Variants in BMPER observed in about 807,000 individuals in gnomAD.
The protein encoded by BMPER is BMP-binding endothelial regulator protein.
BMPER carries 45 observed loss-of-function variants against 87.3 expected under a neutral mutation model. That is an observed-to-expected ratio of 0.52 (90% confidence interval 0.41 to 0.66). BMPER has a LOEUF of 0.66. BMPER is among the 30% of genes least tolerant of loss of function. The probability of loss-of-function intolerance (pLI) is 0.00; values close to 1 mark genes in which losing one functional copy is unlikely to be tolerated. For missense variants in BMPER, 784 were observed against 867.5 expected (o/e 0.90, Z 1.21); for synonymous variants, 326 against 316.2 (o/e 1.03, Z -0.33).
intron 13 of BMPER, among the ~76,000 whole-genome samples, chr7:34,107,733 G>A (rs1789859076): frequency 6.6e-6 from 1 of 152,082 alleles, no homozygotes; most frequent in Non-Finnish European, 1.5e-5. Context: ...TTCCTTATCT[G>A]GTAGAGGCTG....
intron 6 of BMPER, among the ~76,000 whole-genome samples, chr7:34,019,931 G>A (rs1300098833): frequency 6.7e-6 from 1 of 150,340 alleles, no homozygotes; most frequent in Admixed American, 6.7e-5. Flanking sequence ...AAGCTGTTCT[G>A]TAAGGTTTTT....
At chr7:34,120,373 G>C (rs1373854418) in intron 13 of BMPER, among the ~76,000 whole-genome samples, 1 of 150,216 alleles carries the variant, frequency 6.7e-6, no homozygotes, top group Non-Finnish European at 1.5e-5. Flanking sequence ...AAAATACAAT[G>C]ATGATTATTT....
rs902308951 is a variant in BMPER, at chr7:34,046,512, C to T, written c.676+107C>T. On this transcript the variant is annotated intron_variant, in intron 7 of 14. Transcript: ENST00000649409. ...TTGAGATTCTCAAGTTGTCCTATTT[C>T]GTGGCTTGTTAGAGACAACTCCCTC... 88 of 1,220,058 alleles carry T rather than the reference C, an allele frequency of 7.2e-5. 1 individual carries two copies. The Middle Eastern group carries it at 7.5e-4, about 10-fold the overall frequency. The allele number at this position is 1,220,058 out of a possible 1,614,324, so 75.6% of individuals were successfully genotyped here. A position where few individuals can be genotyped will look rare whatever the true frequency, so the allele number is the denominator to read the frequency against.
At chr7:33,961,646 A>G (rs1352885342) in intron 3 of BMPER, among the ~76,000 whole-genome samples, 1 of 152,230 alleles carries the variant, frequency 6.6e-6, no homozygotes, top group South Asian at 2.1e-4. Context: ...AAGCCCGGTC[A>G]GCCCTCCACA....
At chr7:34,039,690 G>T (rs1299127298) in intron 6 of BMPER, among the ~76,000 whole-genome samples, 1 of 151,902 alleles carries the variant, frequency 6.6e-6, no homozygotes, top group African/African-American at 2.4e-5. Flanking sequence ...CTACTATAGT[G>T]TGTGTATATG....
intron 3 of BMPER, among the ~76,000 whole-genome samples, chr7:33,959,797 T>A (rs1785226888): frequency 2.0e-5 from 3 of 152,236 alleles, no homozygotes; most frequent in Admixed American, 2.0e-4. Context: ...ATACTGTATC[T>A]ATTATGATAC....
At chr7:34,059,975 T>A (rs1585788423) in intron 10 of BMPER, among the ~76,000 whole-genome samples, 2 of 152,146 alleles carry the variant, frequency 1.3e-5, no homozygotes, top group Admixed American at 1.3e-4. Context: ...GACTGGGTCA[T>A]CAGGACACTG....
At chr7:34,032,081 T>TTA (rs540669169) in intron 6 of BMPER, among the ~76,000 whole-genome samples, 40 of 150,944 alleles carry the variant, frequency 2.6e-4, no homozygotes, top group African/African-American at 9.5e-4. Flanking sequence ...ATTAAAAGCT[T>TTA]TACCTCAGTT....
At chr7:34,122,206 T>C (rs1209545741) in intron 13 of BMPER, among the ~76,000 whole-genome samples, 1 of 152,124 alleles carries the variant, frequency 6.6e-6, no homozygotes, top group Non-Finnish European at 1.5e-5. Context: ...ATATCTGGGC[T>C]CCAGGACCCA....
intron 2 of BMPER, among the ~76,000 whole-genome samples, chr7:33,912,916 C>A (rs994507384): frequency 2.0e-5 from 3 of 152,184 alleles, no homozygotes; most frequent in Non-Finnish European, 4.4e-5. Flanking sequence ...ACACTTCATC[C>A]CCTCTTCCAT....
intron 2 of BMPER, among the ~76,000 whole-genome samples, chr7:33,920,742 A>G (rs1784210090): frequency 6.6e-6 from 1 of 151,924 alleles, no homozygotes; most frequent in African/African-American, 2.4e-5. Flanking sequence ...TCCATTTTTA[A>G]TAAACCCTTC....
At chr7:34,006,938 C>T (rs1475800515) in intron 6 of BMPER, among the ~76,000 whole-genome samples, 1 of 152,080 alleles carries the variant, frequency 6.6e-6, no homozygotes, top group Non-Finnish European at 1.5e-5. Flanking sequence ...CTAAATGTCT[C>T]TCATTCACCT....
At position 34,039,645 on chromosome 7, in the gene BMPER, T is replaced by TACAC. The variant is rs1173068269; in HGVS notation, c.577-6660_577-6659insCACA. On this transcript the variant is annotated intron_variant, in intron 6 of 14. Transcript: ENST00000649409. ...ACACACACACACACACACACACACT[T>TACAC]ATACCACTGTGGTGTATACATGCCC... 5.8e-5 allele frequency among the ~76,000 whole-genome samples: 8 copies of TACAC among 138,660 alleles called. No homozygotes were observed. The Admixed American group carries it at 5.9e-4, about 10-fold the overall frequency. The allele number at this position is 138,660 out of a possible 152,430, so 91.0% of individuals were successfully genotyped here. A position where few individuals can be genotyped will look rare whatever the true frequency, so the allele number is the denominator to read the frequency against.
At chr7:33,992,943 GCC>G (rs1786270477) in intron 6 of BMPER, among the ~76,000 whole-genome samples, 1 of 144,598 alleles carries the variant, frequency 6.9e-6, no homozygotes, top group Admixed American at 7.0e-5. Flanking sequence ...TTGAATATTG[GCC>G]CCCACTCTCT....
At chr7:34,092,648 C>T (rs931312153) in intron 13 of BMPER, among the ~76,000 whole-genome samples, 5 of 152,162 alleles carry the variant, frequency 3.3e-5, no homozygotes, top group African/African-American at 1.2e-4. Flanking sequence ...CTCCACCTCA[C>T]CCACAAGTAG....
chr7:34,108,763 T>C (rs1336252936), intron 13 of BMPER, among the ~76,000 whole-genome samples: 2 of 152,256 alleles, frequency 1.3e-5, no homozygotes, highest in Non-Finnish European at 2.9e-5. Context: ...GCCAAATACT[T>C]GGATTGCAAT....
At chr7:34,088,938 A>G (rs1160994342) in intron 13 of BMPER, among the ~76,000 whole-genome samples, 9 of 152,120 alleles carry the variant, frequency 5.9e-5, no homozygotes, top group African/African-American at 1.9e-4. Flanking sequence ...GTAAGTGACG[A>G]TTGCATTGCA....
chr7:33,906,696 C>A, intron 1 of BMPER, 122 bp from the exon 2 acceptor site: 1 of 849,422 alleles, frequency 1.2e-6, no homozygotes, highest in Non-Finnish European at 1.9e-6. Flanking sequence ...TAATTTAAAC[C>A]ACATTAAGAA....
In BMPER at chr7:34,080,764, C is replaced by A. The variant is rs181963346; in HGVS notation, c.1408+1578C>A. On this transcript the variant is annotated intron_variant, in intron 12 of 14. Coordinates refer to ENST00000649409, the MANE Select transcript of BMPER (RefSeq NM_001365308.1). ...TATGGAAATTATTAGTCAACCACAG[C>A]CTAGTTCTCAAAGAAATCTTGAGTA... Among the ~76,000 whole-genome samples, 35 of 152,296 alleles carry A rather than the reference C, an allele frequency of 2.3e-4. No homozygotes were observed. The East Asian group carries it at 5.2e-3, about 23-fold the overall frequency.
Sources: gnomAD v4.1 joint callset for allele counts (sites outside exome capture counted in the v4.1 genomes callset) on GRCh38, gnomAD v4.1.1 for gene constraint, MANE v1.5 for transcripts, NCBI Gene and HGNC (gene_info 2026-07-23, HGNC 2026-07-21) for gene names.